Variants in CHSY1 observed in about 807,000 individuals in gnomAD.
The protein encoded by CHSY1 is N-acetylgalactosaminyl-proteoglycan 3-beta-glucuronosyltransferase 1.
Under a neutral mutation model 59.8 loss-of-function variants are expected in CHSY1, and 13 were observed. That is an observed-to-expected ratio of 0.22 (90% CI 0.14 to 0.35). CHSY1 has a LOEUF of 0.35. Among genes scored for constraint, CHSY1 ranks in the 10% least tolerant of loss-of-function variants. The pLI, the probability that CHSY1 is intolerant of heterozygous loss-of-function variation, is 1.00. For synonymous variants in CHSY1, 459 were observed against 401.2 expected (o/e 1.14, Z -1.72); for missense variants, 947 against 1,030.6 (o/e 0.92, Z 1.11).
intron 2 of CHSY1, among the ~76,000 whole-genome samples, chr15:101,198,653 T>G (rs940645245): frequency 6.6e-6 from 1 of 152,174 alleles, no homozygotes; most frequent in African/African-American, 2.4e-5. Context: ...ACTGGATAAC[T>G]TGAGAGGAAA....
At chr15:101,189,479 C>T (rs749583010) in intron 2 of CHSY1, 368 of 985,360 alleles carry the variant, frequency 3.7e-4, no homozygotes, top group African/African-American at 1.2e-3. Context: ...GGGACCAGGA[C>T]GTGCCACACA....
intron 1 of CHSY1, among the ~76,000 whole-genome samples, chr15:101,244,397 G>A (rs1362110179): frequency 6.6e-6 from 1 of 152,206 alleles, no homozygotes; most frequent in Non-Finnish European, 1.5e-5. Context: ...CTTCAGGACA[G>A]AATTAATGGT....
In CHSY1 at chr15:101,251,479, G is replaced by GGCCTCCGCCGCCGCCGCC; in HGVS notation, c.-24_-23insGGCGGCGGCGGCGGAGGC. Reference sequence around the variant, plus strand: ...CATGCCCGCGCCGCTCCGCCCGCCGGGCCGCCGCCGCAGGCTCCGCGCGCC... The same window carrying GGCCTCCGCCGCCGCCGCC: ...CATGCCCGCGCCGCTCCGCCCGCCGGGCCTCCGCCGCCGCCGCCGCCGCCGCCGCAGGCTCCGCGCGCC... On this transcript the variant is annotated 5_prime_UTR_variant, in exon 1 of 3. Transcript: ENST00000254190. 1 of 703,418 alleles carries GGCCTCCGCCGCCGCCGCC rather than the reference G, an allele frequency of 1.4e-6. No individual in the cohort carries two copies. The highest frequency in any genetic ancestry group is 5.8e-5 in the South Asian group (1 of 17,272). 43.6% of individuals were successfully genotyped at this position (703,418 alleles called of 1,614,324 possible).
At chr15:101,204,586 T>A (rs1233191170) in intron 2 of CHSY1, among the ~76,000 whole-genome samples, 1 of 151,792 alleles carries the variant, frequency 6.6e-6, no homozygotes, top group Non-Finnish European at 1.5e-5. Flanking sequence ...AAATAAAAAT[T>A]GCCCCCCAAA....
At chr15:101,231,950 C>A (rs916296817) in intron 2 of CHSY1, among the ~76,000 whole-genome samples, 6 of 152,232 alleles carry the variant, frequency 3.9e-5, no homozygotes, top group Admixed American at 3.3e-4. Context: ...TCTTCCCCAG[C>A]CTCCAGGCCT....
intron 2 of CHSY1, among the ~76,000 whole-genome samples, chr15:101,196,943 G>A (rs1010972418): frequency 1.8e-4 from 28 of 152,290 alleles, no homozygotes; most frequent in African/African-American, 6.0e-4. Flanking sequence ...TGAACTACTG[G>A]TACATTCCTA....
chr15:101,212,404 C>A (rs921061346), intron 2 of CHSY1, among the ~76,000 whole-genome samples: 4 of 152,148 alleles, frequency 2.6e-5, no homozygotes, highest in African/African-American at 9.7e-5. Context: ...AGTAAAAAAA[C>A]TAGAAATACT....
chr15:101,225,004 C>T (rs553049955), intron 2 of CHSY1, among the ~76,000 whole-genome samples: 132 of 152,338 alleles, frequency 8.7e-4, no homozygotes, highest in African/African-American at 2.5e-3. Flanking sequence ...TACAGAAGGG[C>T]GTGGCCCAGG....
chr15:101,187,955 C>A, intron 2 of CHSY1: 1 of 897,786 alleles, frequency 1.1e-6, no homozygotes, highest in Non-Finnish European at 1.3e-6. Context: ...TGGGAATAAC[C>A]ATCAACTACC....
chr15:101,201,171 C>T (rs2038570809), intron 2 of CHSY1, among the ~76,000 whole-genome samples: 1 of 152,170 alleles, frequency 6.6e-6, no homozygotes, highest in Admixed American at 6.5e-5. Flanking sequence ...GTGAAATCTC[C>T]TTTAATTCCT....
intron 2 of CHSY1, among the ~76,000 whole-genome samples, chr15:101,185,698 T>C (rs1042710562): frequency 1.7e-5 from 2 of 116,058 alleles, no homozygotes; most frequent in Non-Finnish European, 3.3e-5. Context: ...CCTCGAAATA[T>C]CTTTTTTTTT....
intron 2 of CHSY1, chr15:101,189,455 G>C: frequency 1.0e-6 from 1 of 985,652 alleles, no homozygotes; most frequent in Non-Finnish European, 1.2e-6. Context: ...AAGCCAGAAG[G>C]GATGGAGCTC....
intron 2 of CHSY1, among the ~76,000 whole-genome samples, chr15:101,181,771 G>A (rs1259205336): frequency 1.3e-5 from 2 of 152,170 alleles, no homozygotes; most frequent in African/African-American, 4.8e-5. Flanking sequence ...AAATACAGTG[G>A]ATCCTTGAAC....
chr15:101,233,058 G>A (rs1031114249), intron 2 of CHSY1, among the ~76,000 whole-genome samples: 8 of 152,226 alleles, frequency 5.3e-5, no homozygotes, highest in Non-Finnish European at 7.3e-5. Flanking sequence ...TTCAGCTGAT[G>A]AGGCCACTGA....
intron 2 of CHSY1, among the ~76,000 whole-genome samples, chr15:101,196,750 A>G (rs1173030391): frequency 6.6e-6 from 1 of 152,198 alleles, no homozygotes; most frequent in Non-Finnish European, 1.5e-5. Context: ...TAGGCTGGGC[A>G]TGGTGGCTCA....
intron 1 of CHSY1, among the ~76,000 whole-genome samples, chr15:101,246,952 G>A (rs1457219755): frequency 1.3e-5 from 2 of 152,190 alleles, no homozygotes; most frequent in Non-Finnish European, 2.9e-5. Context: ...CTGACAAGCT[G>A]TCCTTAATTT....
chr15:101,195,779 A>G (rs148515774), intron 2 of CHSY1, among the ~76,000 whole-genome samples: 1,503 of 146,520 alleles, frequency 0.01, 22 homozygotes, highest in African/African-American at 0.032. Flanking sequence ...GAGCCGAGAT[A>G]GTGCCACTGC....
rs1406481159 is a variant in CHSY1 at position 101,177,335 on chromosome 15, T to G, written c.*53A>C. The G allele has an allele frequency of 1.7e-5, 26 of 1,566,286 alleles. No homozygotes were observed. The highest frequency in any genetic ancestry group is 2.2e-5 in the Non-Finnish European group (26 of 1,158,108). The stretch of plus-strand genomic sequence containing the variant: ...TTCAAAAACTGATCATACAAAAAAT[T>G]TTTGAAAAATAAATTAGATAATTAA... On this transcript the variant is annotated 3_prime_UTR_variant, in exon 3 of 3. Coordinates refer to ENST00000254190, the MANE Select transcript of CHSY1 (RefSeq NM_014918.5).
At position 101,251,679 on chromosome 15, in the gene CHSY1, C is replaced by T. The variant is rs2039116818; in HGVS notation, c.-223G>A. The T allele has an allele frequency of 6.8e-6, 1 of 147,286 alleles. No individual in the cohort carries two copies. Among genetic ancestry groups the T allele is most frequent in the Non-Finnish European group, 1.5e-5 (1 of 66,240 alleles). 9.1% of individuals were successfully genotyped at this position (147,286 alleles called of 1,614,324 possible). The stretch of plus-strand genomic sequence containing the variant: ...CCCGCCCCCGCCGCCGCGGCCTGCG[C>T]CTTTAAGAGGGGACCATGCCCGGCG... On this transcript the variant is annotated 5_prime_UTR_variant, in exon 1 of 3. Coordinates refer to ENST00000254190, the MANE Select transcript of CHSY1 (RefSeq NM_014918.5).
Sources: gnomAD v4.1 joint callset for allele counts (sites outside exome capture counted in the v4.1 genomes callset) on GRCh38, gnomAD v4.1.1 for gene constraint, MANE v1.5 for transcripts, NCBI Gene and HGNC (gene_info 2026-07-23, HGNC 2026-07-21) for gene names.